CDH12: variants seen among roughly 807,000 people sequenced by gnomAD.
CDH12 encodes the protein cadherin-12.
CDH12 carries 41 observed loss-of-function variants against 74.1 expected under a neutral mutation model. The ratio of observed to expected loss-of-function variants is 0.55; its 90% CI spans 0.43 to 0.72. The LOEUF (loss-of-function observed/expected upper bound fraction) is 0.72, where lower values mean the gene tolerates loss of function less well. Among genes scored for constraint, CDH12 ranks in the 30% least tolerant of loss-of-function variants. CDH12 has a pLI of 0.00. For synonymous variants in CDH12, 399 were observed against 355.0 expected (o/e 1.12, Z -1.39); for missense variants, 945 against 977.2 (o/e 0.97, Z 0.44).
chr5:22,534,350 C>G (rs1342255555), intron 1 of CDH12, among the ~76,000 whole-genome samples: 3 of 152,108 alleles, frequency 2.0e-5, no homozygotes, highest in East Asian at 1.9e-4. Flanking sequence ...TCCCTCACCC[C>G]CTTCCCACAC....
At chr5:22,127,811 G>A (rs1745970539) in intron 4 of CDH12, among the ~76,000 whole-genome samples, 1 of 152,124 alleles carries the variant, frequency 6.6e-6, no homozygotes. Context: ...TGTAGTACTG[G>A]ACTCTCTGGA....
chr5:22,406,065 A>G lies in CDH12; in HGVS notation c.-427-714T>C, dbSNP rs542881257. On this transcript the variant is annotated intron_variant, in intron 2 of 14. Transcript: ENST00000382254. ...GCATATATTCAGTCTATGATTAAAT[A>G]TATTCAATTCAATACTGGTTGAATC... Among the ~76,000 whole-genome samples, 7 of 152,312 alleles carry G rather than the reference A, an allele frequency of 4.6e-5. No homozygotes were observed. The South Asian group carries it at 1.4e-3, about 32-fold the overall frequency.
intron 12 of CDH12, among the ~76,000 whole-genome samples, chr5:21,761,751 A>ATAGC (rs1030211561): frequency 6.6e-6 from 1 of 151,496 alleles, no homozygotes; most frequent in African/African-American, 2.4e-5. Context: ...ATATAGATAG[A>ATAGC]TAGATAGATA....
intron 7 of CDH12, among the ~76,000 whole-genome samples, chr5:21,843,514 GA>G (rs1269281726): frequency 7.7e-6 from 1 of 129,988 alleles, no homozygotes; most frequent in East Asian, 2.3e-4. Flanking sequence ...AATTTGTACT[GA>G]CACTTTTTTT....
intron 5 of CDH12, among the ~76,000 whole-genome samples, chr5:22,009,934 T>A (rs1359914962): frequency 2.7e-5 from 2 of 73,712 alleles, no homozygotes; most frequent in African/African-American, 7.9e-5. Context: ...GCCAAGAAAC[T>A]GTCTCAAAAA....
At chr5:22,722,882 G>A (rs1423042833) in intron 1 of CDH12, among the ~76,000 whole-genome samples, 1 of 152,158 alleles carries the variant, frequency 6.6e-6, no homozygotes, top group Non-Finnish European at 1.5e-5. Flanking sequence ...AGTTGTATGT[G>A]AGCAAAGTGT....
intron 3 of CDH12, among the ~76,000 whole-genome samples, chr5:22,299,534 A>G (rs940933590): frequency 6.6e-6 from 1 of 152,220 alleles, no homozygotes; most frequent in Non-Finnish European, 1.5e-5. Flanking sequence ...TTTCTTTGAA[A>G]GAGCTTGAAA....
At chr5:21,921,093 G>A (rs897983549) in intron 6 of CDH12, among the ~76,000 whole-genome samples, 8 of 152,104 alleles carry the variant, frequency 5.3e-5, no homozygotes, top group Admixed American at 2.0e-4. Context: ...CTGTCCTTGA[G>A]GGACATAAGA....
intron 4 of CDH12, among the ~76,000 whole-genome samples, chr5:22,140,522 G>A (rs1746729206): frequency 6.6e-6 from 1 of 150,884 alleles, no homozygotes; most frequent in South Asian, 2.1e-4. Context: ...CTCTGTGCAT[G>A]TGTGTGTGTG....
At chr5:22,370,881 C>T (rs773688413) in intron 3 of CDH12, among the ~76,000 whole-genome samples, 2 of 152,090 alleles carry the variant, frequency 1.3e-5, no homozygotes, top group South Asian at 2.1e-4. Flanking sequence ...AAATTCTAGG[C>T]GTAGATGCAA....
rs529225211 is a variant in CDH12, at chr5:22,445,155, A to G, written c.-427-39804T>C. ...GAAATTTCTCTTGGAGATATAGCAT[A>G]GAATGAAACCAATTTATAGGAAACA... On this transcript the variant is annotated intron_variant, in intron 2 of 14. Coordinates refer to ENST00000382254, the MANE Select transcript of CDH12 (RefSeq NM_004061.5). 7.9e-5 allele frequency among the ~76,000 whole-genome samples: 12 copies of G among 152,262 alleles called. 1 individual carries two copies. The South Asian group carries it at 2.3e-3, about 29-fold the overall frequency.
chr5:22,491,433 G>A (rs35132527), intron 2 of CDH12, among the ~76,000 whole-genome samples: 3 of 151,630 alleles, frequency 2.0e-5, no homozygotes, highest in Non-Finnish European at 2.9e-5. Flanking sequence ...ACAAATTGTT[G>A]TATGTTACAA....
intron 1 of CDH12, among the ~76,000 whole-genome samples, chr5:22,674,355 T>C (rs573770289): frequency 2.0e-5 from 3 of 152,326 alleles, no homozygotes; most frequent in South Asian, 2.1e-4. Flanking sequence ...TCTCTTCTCT[T>C]GTCTGCCACC....
At chr5:22,225,220 T>A (rs995424603) in intron 3 of CDH12, among the ~76,000 whole-genome samples, 7 of 152,248 alleles carry the variant, frequency 4.6e-5, no homozygotes, top group Admixed American at 3.9e-4. Context: ...CTTAGAATGA[T>A]GTAGAAAGGA....
intron 1 of CDH12, among the ~76,000 whole-genome samples, chr5:22,552,627 C>A (rs1738623976): frequency 6.6e-6 from 1 of 152,176 alleles, no homozygotes; most frequent in South Asian, 2.1e-4. Flanking sequence ...TGGGGTTTCA[C>A]CGTGTTAGTC....
At chr5:22,327,810 C>T (rs183470944) in intron 3 of CDH12, among the ~76,000 whole-genome samples, 27 of 152,190 alleles carry the variant, frequency 1.8e-4, no homozygotes, top group Admixed American at 4.6e-4. Flanking sequence ...TAAAAATCTT[C>T]GCTTAAACAA....
intron 3 of CDH12, among the ~76,000 whole-genome samples, chr5:22,346,353 T>C (rs986288626): frequency 3.3e-5 from 5 of 152,194 alleles, no homozygotes; most frequent in Non-Finnish European, 7.3e-5. Flanking sequence ...ATTTACATAA[T>C]TCTTTACATA....
At chr5:22,801,406 C>T (rs1336476080) in intron 1 of CDH12, among the ~76,000 whole-genome samples, 1 of 151,866 alleles carries the variant, frequency 6.6e-6, no homozygotes, top group Non-Finnish European at 1.5e-5. Flanking sequence ...TTTGTATGAG[C>T]TATTAAGGGC....
At chr5:21,822,103 T>C (rs959936029) in intron 8 of CDH12, among the ~76,000 whole-genome samples, 4 of 152,008 alleles carry the variant, frequency 2.6e-5, no homozygotes, top group Non-Finnish European at 5.9e-5. Context: ...AATATCTCTC[T>C]TTTCCTGATC....
Sources: allele counts gnomAD v4.1 joint callset (sites outside exome capture counted in the v4.1 genomes callset), GRCh38; gene constraint gnomAD v4.1.1; transcripts MANE v1.5; gene names NCBI Gene and HGNC (gene_info 2026-07-23, HGNC 2026-07-21).